Variants in NEK1 observed in about 807,000 individuals in gnomAD.
The protein encoded by NEK1 is NIMA related kinase 1, also known as serine/threonine-protein kinase Nek1.
Under a neutral mutation model 182.1 loss-of-function variants are expected in NEK1, and 137 were observed. The ratio of observed to expected loss-of-function variants is 0.75; its 90% confidence interval spans 0.65 to 0.87. The LOEUF is 0.87. Among genes scored for constraint, NEK1 ranks in the 40% least tolerant of loss-of-function variants. The pLI is 0.00. For missense variants in NEK1, 1,391 were observed against 1,494.4 expected (o/e 0.93, Z 1.14); for synonymous variants, 513 against 492.2 (o/e 1.04, Z -0.56).
At chr4:169,494,719 G>C (rs1265763205) in intron 23 of NEK1, among the ~76,000 whole-genome samples, 1 of 152,172 alleles carries the variant, frequency 6.6e-6, no homozygotes, top group African/African-American at 2.4e-5. Flanking sequence ...CACCAACACT[G>C]TAAAAGTGTT....
At chr4:169,454,890 G>A (rs1200958206) in intron 27 of NEK1, among the ~76,000 whole-genome samples, 4 of 152,178 alleles carry the variant, frequency 2.6e-5, no homozygotes, top group Non-Finnish European at 4.4e-5. Context: ...TATGTTTATG[G>A]TGGCACTATT....
chr4:169,537,944 T>C (rs1470802200), intron 18 of NEK1, 33 bp from the exon 19 acceptor site: 1 of 1,442,406 alleles, frequency 6.9e-7, no homozygotes, highest in Non-Finnish European at 9.4e-7. Flanking sequence ...TCAGCCATCC[T>C]GAACAGAAAA....
intron 19 of NEK1, among the ~76,000 whole-genome samples, chr4:169,527,747 A>G (rs1024166733): frequency 6.6e-6 from 1 of 152,176 alleles, no homozygotes; most frequent in Admixed American, 6.5e-5. Flanking sequence ...ATGGAAAGAG[A>G]GAAACAAAAT....
rs1201231764 is a variant in NEK1, at chr4:169,590,822, ATCAGATCTG to A, written c.313-22_313-14del. 6.5e-7 allele frequency: 1 copy of A among 1,549,418 alleles called. No individual in the cohort carries two copies. Among genetic ancestry groups the A allele is most frequent in the Admixed American group, 1.8e-5 (1 of 55,098 alleles). ...ACCAGTCCAAAATCTAGGAAGAAAA[ATCAGATCTG>A]TCAAGCCTCTCTTTGACCATTAAAA... On this transcript the variant is annotated splice_polypyrimidine_tract_variant and intron_variant, in intron 5 of 35. Coordinates refer to ENST00000507142, the MANE Select transcript of NEK1 (RefSeq NM_001199397.3).
intron 5 of NEK1, among the ~76,000 whole-genome samples, chr4:169,594,951 T>C (rs1210105531): frequency 6.6e-6 from 1 of 152,218 alleles, no homozygotes; most frequent in Non-Finnish European, 1.5e-5. Context: ...CATTTTATTC[T>C]ATTATTGGTT....
intron 18 of NEK1, among the ~76,000 whole-genome samples, chr4:169,550,474 A>T (rs1357705147): frequency 6.6e-6 from 1 of 152,246 alleles, no homozygotes; most frequent in African/African-American, 2.4e-5. Context: ...TCCTGGTTGC[A>T]CTAATAGTAA....
At chr4:169,549,687 T>C (rs1013934722) in intron 18 of NEK1, among the ~76,000 whole-genome samples, 1 of 152,054 alleles carries the variant, frequency 6.6e-6, no homozygotes, top group Admixed American at 6.6e-5. Flanking sequence ...CCTCCCAAAG[T>C]GCTGGGATTA....
chr4:169,435,887 T>C (rs761767354), intron 28 of NEK1, among the ~76,000 whole-genome samples: 12 of 152,128 alleles, frequency 7.9e-5, no homozygotes, highest in Non-Finnish European at 1.5e-4. Context: ...ACTCAAAAAA[T>C]TGTGAGATAA....
chr4:169,496,698 G>T (rs1457486328), intron 23 of NEK1, among the ~76,000 whole-genome samples: 1 of 151,070 alleles, frequency 6.6e-6, no homozygotes, highest in South Asian at 2.1e-4. Context: ...TTATATGCTG[G>T]ATTACGTTTA....
At chr4:169,514,371 TAC>T (rs1754749354) in intron 19 of NEK1, among the ~76,000 whole-genome samples, 1 of 152,176 alleles carries the variant, frequency 6.6e-6, no homozygotes, top group East Asian at 1.9e-4. Flanking sequence ...ATTAGGGTAA[TAC>T]AGTCTCAAAA....
intron 23 of NEK1, among the ~76,000 whole-genome samples, chr4:169,506,234 A>G: frequency 6.6e-6 from 1 of 152,190 alleles, no homozygotes; most frequent in East Asian, 1.9e-4. Flanking sequence ...AATAATTACT[A>G]ATACAACGAG....
chr4:169,508,118 T>C, intron 21 of NEK1, 130 bp downstream of exon 21: 1 of 769,390 alleles, frequency 1.3e-6, no homozygotes. Flanking sequence ...TGTAGTTTTT[T>C]GATCTTTGAA....
intron 5 of NEK1, among the ~76,000 whole-genome samples, chr4:169,593,601 A>G (rs939188179): frequency 6.6e-6 from 1 of 152,162 alleles, no homozygotes; most frequent in African/African-American, 2.4e-5. Flanking sequence ...TAAATGTTAC[A>G]TTTTCATTCC....
At chr4:169,464,158 T>C (rs1189320854) in intron 26 of NEK1, among the ~76,000 whole-genome samples, 1 of 149,596 alleles carries the variant, frequency 6.7e-6, no homozygotes, top group Non-Finnish European at 1.5e-5. Flanking sequence ...TTCTTACACT[T>C]GTTCACACAA....
chr4:169,543,223 A>C (rs962878069), intron 18 of NEK1, among the ~76,000 whole-genome samples: 1 of 152,148 alleles, frequency 6.6e-6, no homozygotes, highest in African/African-American at 2.4e-5. Flanking sequence ...CAGTTTTCCC[A>C]ACACCATTTA....
intron 12 of NEK1, among the ~76,000 whole-genome samples, chr4:169,562,828 TATTAG>T (rs1763123647): frequency 3.3e-5 from 5 of 152,178 alleles, no homozygotes. Flanking sequence ...TAATGGTATA[TATTAG>T]ATATTTACAT....
At chr4:169,408,839 G>A (rs988482014) in intron 31 of NEK1, among the ~76,000 whole-genome samples, 4 of 152,108 alleles carry the variant, frequency 2.6e-5, no homozygotes, top group African/African-American at 7.2e-5. Context: ...TCCAAGGTAC[G>A]TATATTCCAC....
intron 10 of NEK1, among the ~76,000 whole-genome samples, chr4:169,584,760 AC>A (rs1767249738): frequency 6.6e-6 from 1 of 152,250 alleles, no homozygotes; most frequent in Admixed American, 6.5e-5. Flanking sequence ...CCTTATAGAT[AC>A]ATTTAATAAT....
chr4:169,523,690 G>A (rs1462018839), intron 19 of NEK1, among the ~76,000 whole-genome samples: 3 of 152,140 alleles, frequency 2.0e-5, no homozygotes, highest in African/African-American at 7.2e-5. Context: ...TAATATAGAG[G>A]TAATGCATAT....
Sources: gnomAD v4.1 joint callset for allele counts (sites outside exome capture counted in the v4.1 genomes callset) on GRCh38, gnomAD v4.1.1 for gene constraint, MANE v1.5 for transcripts, NCBI Gene and HGNC (gene_info 2026-07-23, HGNC 2026-07-21) for gene names.